The following STAG1 variants were observed in gnomAD, a reference collection of about 807,000 sequenced individuals.
STAG1 encodes the protein STAG1 cohesin complex component, also known as cohesin subunit SA-1.
In STAG1, 26 loss-of-function variants were observed where a neutral mutation model predicts 170.9. The observed-to-expected ratio is 0.15, with a 90% CI of 0.11 to 0.21. STAG1 has a LOEUF of 0.21. Ranked by LOEUF, STAG1 falls within the 10% of genes least tolerant of loss-of-function variation. The pLI, the probability that STAG1 is intolerant of heterozygous loss-of-function variation, is 1.00. For missense variants in STAG1, 964 were observed against 1,509.5 expected (o/e 0.64, Z 5.99); for synonymous variants, 514 against 497.7 (o/e 1.03, Z -0.44).
intron 1 of STAG1, among the ~76,000 whole-genome samples, chr3:136,639,288 T>A (rs927903459): frequency 6.6e-6 from 1 of 151,678 alleles, no homozygotes; most frequent in Non-Finnish European, 1.5e-5. Context: ...TGAGCCATGA[T>A]TGGGCCACTA....
intron 31 of STAG1, among the ~76,000 whole-genome samples, chr3:136,340,878 A>G (rs1003223497): frequency 3.3e-5 from 5 of 152,312 alleles, no homozygotes; most frequent in Admixed American, 1.3e-4. Flanking sequence ...TCTTATTGGT[A>G]GTATTATCCC....
intron 6 of STAG1, among the ~76,000 whole-genome samples, chr3:136,530,316 C>T (rs970774629): frequency 2.6e-5 from 4 of 152,128 alleles, no homozygotes; most frequent in Non-Finnish European, 5.9e-5. Context: ...ATCATCTAGA[C>T]AGAAATTCAT....
chr3:136,378,429 A>C (rs1014675028), intron 22 of STAG1, among the ~76,000 whole-genome samples: 1 of 152,362 alleles, frequency 6.6e-6, no homozygotes, highest in Admixed American at 6.5e-5. Flanking sequence ...GCAGTGGCTC[A>C]TGCCTGCAAT....
At chr3:136,395,087 C>A (rs2087114058) in intron 22 of STAG1, among the ~76,000 whole-genome samples, 2 of 151,446 alleles carry the variant, frequency 1.3e-5, no homozygotes, top group Admixed American at 6.6e-5. Flanking sequence ...AGGGTGAGAC[C>A]CTGTCTCAAA....
chr3:136,377,065 C>T (rs1000922886), intron 23 of STAG1, among the ~76,000 whole-genome samples: 1 of 150,474 alleles, frequency 6.6e-6, no homozygotes, highest in Non-Finnish European at 1.5e-5. Flanking sequence ...GCGTGAGCCA[C>T]TGCGCCCGGC....
chr3:136,676,214 G>C (rs953205732), intron 1 of STAG1, among the ~76,000 whole-genome samples: 3 of 152,224 alleles, frequency 2.0e-5, no homozygotes, highest in Admixed American at 6.5e-5. Context: ...GAGTGAGTGA[G>C]TAGTGAGTGA....
intron 1 of STAG1, among the ~76,000 whole-genome samples, chr3:136,695,891 C>T (rs867657845): frequency 6.6e-6 from 1 of 152,152 alleles, no homozygotes; most frequent in Non-Finnish European, 1.5e-5. Context: ...GGCCACTAAA[C>T]CCCTCCAGGT....
At chr3:136,372,678 T>C (rs910261627) in intron 23 of STAG1, among the ~76,000 whole-genome samples, 1 of 151,612 alleles carries the variant, frequency 6.6e-6, no homozygotes, top group Non-Finnish European at 1.5e-5. Flanking sequence ...TGAACCAGCC[T>C]TGCATCCCAG....
intron 32 of STAG1, among the ~76,000 whole-genome samples, chr3:136,338,928 A>T (rs1935822713): frequency 6.6e-6 from 1 of 152,244 alleles, no homozygotes; most frequent in Non-Finnish European, 1.5e-5. Flanking sequence ...TGGAAAATTC[A>T]CAACATACAA....
chr3:136,565,629 A>G (rs1256072610), intron 5 of STAG1, among the ~76,000 whole-genome samples: 1 of 152,240 alleles, frequency 6.6e-6, no homozygotes, highest in Non-Finnish European at 1.5e-5. Flanking sequence ...TGGTTCCTCA[A>G]AAAGTTTAAA....
intron 5 of STAG1, among the ~76,000 whole-genome samples, chr3:136,550,833 G>T (rs1936350997): frequency 6.6e-6 from 1 of 152,096 alleles, no homozygotes; most frequent in South Asian, 2.1e-4. Flanking sequence ...CAGTGGTCAG[G>T]TATTTTATAC....
intron 2 of STAG1, among the ~76,000 whole-genome samples, chr3:136,624,187 C>T (rs1939987642): frequency 6.6e-6 from 1 of 151,850 alleles, no homozygotes; most frequent in Admixed American, 6.6e-5. Context: ...CAAGTTCCAA[C>T]TCCCGGGTTC....
intron 1 of STAG1, among the ~76,000 whole-genome samples, chr3:136,700,876 C>CTTTT (rs35459362): frequency 8.0e-4 from 63 of 78,332 alleles, no homozygotes; most frequent in East Asian, 1.5e-3. Flanking sequence ...TATTTTTTTT[C>CTTTT]TTTTTTTTTT....
intron 14 of STAG1, among the ~76,000 whole-genome samples, chr3:136,445,282 T>C (rs570876218): frequency 6.6e-6 from 1 of 152,184 alleles, no homozygotes; most frequent in South Asian, 2.1e-4. Context: ...AATTCGCATA[T>C]TCTGAGAAAC....
At chr3:136,606,039 T>C (rs969668852) in intron 3 of STAG1, among the ~76,000 whole-genome samples, 2 of 152,104 alleles carry the variant, frequency 1.3e-5, no homozygotes, top group Non-Finnish European at 2.9e-5. Context: ...TTTTTAGAAC[T>C]TTCAGATTTA....
chr3:136,535,316 G>A (rs898689160), intron 6 of STAG1, among the ~76,000 whole-genome samples: 2 of 152,148 alleles, frequency 1.3e-5, no homozygotes. Flanking sequence ...TCTAATGTTC[G>A]ATAGCAGGCT....
At chr3:136,476,442 T>A (rs945705015) in intron 10 of STAG1, among the ~76,000 whole-genome samples, 1 of 152,174 alleles carries the variant, frequency 6.6e-6, no homozygotes, top group African/African-American at 2.4e-5. Flanking sequence ...TTTATGGAAC[T>A]TGCTCAATGA....
At chr3:136,534,860 T>C (rs1935546130) in intron 6 of STAG1, among the ~76,000 whole-genome samples, 2 of 152,062 alleles carry the variant, frequency 1.3e-5, no homozygotes, top group African/African-American at 2.4e-5. Flanking sequence ...AAACTAAAAA[T>C]AGAACTACCA....
In STAG1 at chr3:136,337,418, C is replaced by T. The variant is rs1407920806; in HGVS notation, c.*836G>A. On this transcript the variant is annotated 3_prime_UTR_variant, in exon 34 of 34. Coordinates refer to ENST00000383202, the MANE Select transcript of STAG1 (RefSeq NM_005862.3). ...AATCATTTTCGTTTTACTGAGAATA[C>T]TTTATTTGCTGGTAGAAGTTGCTAA... 1 of 152,544 alleles carries T rather than the reference C, an allele frequency of 6.6e-6. No homozygotes were observed. The highest frequency in any genetic ancestry group is 2.4e-5 in the African/African-American group (1 of 41,420). The allele number at this position is 152,544 out of a possible 1,614,324, so 9.4% of individuals were successfully genotyped here.
Sources: gnomAD v4.1 joint callset for allele counts (sites outside exome capture counted in the v4.1 genomes callset) on GRCh38, gnomAD v4.1.1 for gene constraint, MANE v1.5 for transcripts, NCBI Gene and HGNC (gene_info 2026-07-23, HGNC 2026-07-21) for gene names.